Variants in ZNF394 observed in about 807,000 individuals in gnomAD.
ZNF394 encodes zinc finger protein 99.
Under a neutral mutation model 21.8 loss-of-function variants are expected in ZNF394, and 19 were observed. The observed-to-expected ratio is 0.87, with a 90% CI of 0.61 to 1.28. The LOEUF is 1.28. ZNF394 is among the 50% of genes most tolerant of loss of function. ZNF394 has a pLI of 0.00. For missense variants in ZNF394, 683 were observed against 708.6 expected, an observed-to-expected ratio of 0.96 and a Z score of 0.41; for synonymous variants, 294 against 273.3, an observed-to-expected ratio of 1.08 and a Z score of -0.75.
intron 1 of ZNF394, 83 bp from the exon 2 acceptor site, chr7:99,498,925 G>A (rs921355401): frequency 3.4e-6 from 5 of 1,484,972 alleles, no homozygotes; most frequent in Admixed American, 4.5e-5. Flanking sequence ...ACCGACAAGG[G>A]AGTTTGGAGA....
chr7:99,492,018 A>G (rs571436598), downstream of ZNF394, among the ~76,000 whole-genome samples: 3 of 148,676 alleles, frequency 2.0e-5, no homozygotes, highest in South Asian at 2.2e-4. Context: ...GTTTGTAGTG[A>G]GCCGAGATTG....
chr7:99,493,719 C>T lies in ZNF394; in HGVS notation c.1496G>A (p.Cys499Tyr). The part of the protein sequence containing the change: ...RIHTGEKPYG[C>Y]SVCGKRFNQS... ...ATTGAAGCGTTTCCCACAGACGGAA[C>T]ATCCATAGGGCTTCTCCCCAGTGTG... is the stretch of plus-strand genomic sequence containing the variant. The change falls in exon 3 of 3, where the codon TGT (cysteine) becomes TAT (tyrosine). Residue 499 changes from cysteine (C) to tyrosine (Y), a missense_variant. This residue lies in a region of ZNF394 where 274 missense variants were observed against 314.1 expected (regional missense o/e 0.87). Coordinates refer to ENST00000337673, the MANE Select transcript of ZNF394 (RefSeq NM_032164.4). 1 of 1,614,196 alleles carries T rather than the reference C, an allele frequency of 6.2e-7. No individual in the cohort carries two copies. Among genetic ancestry groups the T allele is most frequent in the Non-Finnish European group, 8.5e-7 (1 of 1,180,020 alleles).
intron 2 of ZNF394, among the ~76,000 whole-genome samples, chr7:99,497,142 GT>G (rs1800356777): frequency 9.4e-6 from 1 of 106,692 alleles, no homozygotes; most frequent in African/African-American, 5.2e-5. Flanking sequence ...ATATATATAT[GT>G]ATATATATAT....
rs368878098 is a variant in ZNF394, at chr7:99,494,618, T to C, written c.597A>G (p.Arg199=). The part of the protein sequence containing the change: ...GSTVPPSLES[R]VENKELIPMQ... ...TTGGAATCAACTCTTTGTTCTCCAC[T>C]CTGCTTTCCAAACCTGAAACGTGAA... The change falls in exon 3 of 3, where the codon AGA becomes AGG. Residue 199 remains arginine (R), a synonymous_variant. Transcript: ENST00000337673. 8 of 1,587,542 alleles carry C rather than the reference T, an allele frequency of 5.0e-6. No homozygotes were observed. The highest frequency in any genetic ancestry group is 2.7e-5 in the African/African-American group (2 of 73,482).
chr7:99,490,831 A>C (rs1435081330), downstream of ZNF394, among the ~76,000 whole-genome samples: 1 of 151,934 alleles, frequency 6.6e-6, no homozygotes, highest in Non-Finnish European at 1.5e-5. Context: ...AGTCACATCC[A>C]AAGCGCAGCC....
chr7:99,493,424 T>C lies in ZNF394; in HGVS notation c.*105A>G. The C allele has an allele frequency of 8.8e-7, 1 of 1,130,526 alleles. No individual in the cohort carries two copies. The highest frequency in any genetic ancestry group is 1.2e-6 in the Non-Finnish European group (1 of 809,492). The allele number at this position is 1,130,526 out of a possible 1,614,324, so 70.0% of individuals were successfully genotyped here. Reference sequence around the variant, plus strand: ...GGCATGCACCACCATGCCCGGCTCATTTTTGTATTTTTAGTAGAGACAGGA... The same window carrying C: ...GGCATGCACCACCATGCCCGGCTCACTTTTGTATTTTTAGTAGAGACAGGA... On this transcript the variant is annotated 3_prime_UTR_variant, in exon 3 of 3. Coordinates refer to ENST00000337673, the MANE Select transcript of ZNF394 (RefSeq NM_032164.4).
chr7:99,497,087 CGTGTGTGTGT>C lies in ZNF394; in HGVS notation c.583+1619_583+1628del, dbSNP rs201206255. Among the ~76,000 whole-genome samples, 406 of 94,662 alleles carry C rather than the reference CGTGTGTGTGT, an allele frequency of 4.3e-3. 3 individuals carry two copies. The highest frequency in any genetic ancestry group is 9.7e-3 in the Middle Eastern group (2 of 206). The allele number at this position is 94,662 out of a possible 152,430, so 62.1% of individuals were successfully genotyped here. ...GTATATATATGTATATACATACATA[CGTGTGTGTGT>C]GTGTGTGTGTGTGTGTGTGTGTGTG... is the stretch of plus-strand genomic sequence containing the variant. On this transcript the variant is annotated intron_variant, in intron 2 of 2. Transcript: ENST00000337673.
chr7:99,494,251 G>A lies in ZNF394; in HGVS notation c.964C>T (p.His322Tyr), dbSNP rs367809638. The stretch of plus-strand genomic sequence containing the variant: ...TTCAGCACGTGCCACGTCACCATGT[G>A]GAAACTTTGCTTGCACTTGTTCCCG... ...EHGNKCKQSF[H>Y]MVTWHVLKPH... is the part of the protein sequence containing the mutation. Residue 322 changes from histidine (H) to tyrosine (Y), a missense_variant, in exon 3 of 3, where the codon CAC (histidine) becomes TAC (tyrosine). Around this residue, in one of 3 missense-constraint regions of ZNF394, gnomAD observed 274 missense variants for 314.1 expected, o/e 0.87. Transcript: ENST00000337673. The A allele has an allele frequency of 1.2e-5, 20 of 1,614,134 alleles. No individual in the cohort carries two copies. Among genetic ancestry groups the A allele is most frequent in the Non-Finnish European group, 1.7e-5 (20 of 1,180,060 alleles).
rs113259349 is a variant in ZNF394, at chr7:99,498,354, G to C, written c.583+362C>G. 9.8e-3 allele frequency: 1,864 copies of C among 189,370 alleles called. 35 individuals are homozygous for C. The highest frequency in any genetic ancestry group is 0.042 in the African/African-American group (1,783 of 42,206). The allele number at this position is 189,370 out of a possible 1,614,324, so 11.7% of individuals were successfully genotyped here. ...ACAGTCAGCTTACTGGCTACCTCTG[G>C]AGAAGGATAGAGGGGAAGGGTTTCA... On this transcript the variant is annotated intron_variant, in intron 2 of 2. Coordinates refer to ENST00000337673, the MANE Select transcript of ZNF394 (RefSeq NM_032164.4).
chr7:99,488,071 C>CAAAAA (rs1180851983), intron 1 of ZNF394, among the ~76,000 whole-genome samples: 15 of 68,204 alleles, frequency 2.2e-4, no homozygotes, highest in African/African-American at 6.0e-4. Flanking sequence ...GACTCCGTCT[C>CAAAAA]AAAAAAAAAA....
Position 99,493,971 on chromosome 7 carries a change from G to C in ZNF394, c.1244C>G (p.Thr415Ser). The stretch of plus-strand genomic sequence containing the variant: ...GAAGCGCTCCCCACATTTCAGACAG[G>C]TGTACGGCTTCTCGCCTGTGTGTGT... ...QRTHTGEKPYTCLKCGERFRQ... is the reference protein window; with the variant it reads ...QRTHTGEKPYSCLKCGERFRQ... Residue 415 changes from threonine (T) to serine (S), a missense_variant, in exon 3 of 3, where the codon ACC becomes AGC. By Grantham distance (58) the Thr-to-Ser change is moderately conservative. Coordinates refer to ENST00000337673, the MANE Select transcript of ZNF394 (RefSeq NM_032164.4). The C allele has an allele frequency of 6.2e-7, 1 of 1,614,190 alleles. No homozygotes were observed. Among genetic ancestry groups the C allele is most frequent in the Non-Finnish European group, 8.5e-7 (1 of 1,180,044 alleles).
intron 1 of ZNF394, among the ~76,000 whole-genome samples, chr7:99,488,169 G>C (rs1273192916): frequency 6.6e-6 from 1 of 151,806 alleles, no homozygotes; most frequent in East Asian, 1.9e-4. Flanking sequence ...GCCTAGTTAA[G>C]GCAGAAGGGA....
chr7:99,486,579 G>C lies in ZNF394; in HGVS notation n.468C>G, dbSNP rs374780053. The C allele has an allele frequency of 6.8e-6, 11 of 1,614,204 alleles. No individual in the cohort carries two copies. Among genetic ancestry groups the C allele is most frequent in the South Asian group, 2.2e-5 (2 of 91,088 alleles). On this transcript the variant is annotated non_coding_transcript_exon_variant, in exon 2 of 2. Transcript: ENST00000462024. ...CAGTGGTAATGCAGGAATCAGCTGA[G>C]AAACTTTCAGAAAAGTTACATAAGT... is the stretch of plus-strand genomic sequence containing the variant.
rs1483162320 is a variant in ZNF394, at chr7:99,499,809, G to A, written c.285C>T (p.Pro95=). 4 of 1,614,056 alleles carry A rather than the reference G, an allele frequency of 2.5e-6. No individual in the cohort carries two copies. The highest frequency in any genetic ancestry group is 2.7e-5 in the African/African-American group (2 of 74,932). Residue 95 remains proline, a synonymous_variant, in exon 1 of 3, where the codon CCC becomes CCT. Coordinates refer to ENST00000337673, the MANE Select transcript of ZNF394 (RefSeq NM_032164.4). Reference sequence around the variant, plus strand: ...GGATCTGCTCCTTGGAGAGCAGCTCGGGTCTCAGCCACCGACGACAGAGTT... The same window carrying A: ...GGATCTGCTCCTTGGAGAGCAGCTCAGGTCTCAGCCACCGACGACAGAGTT... ...LRELCRRWLR[P]ELLSKEQILE... is the part of the protein sequence containing the mutation.
chr7:99,499,849 AGC>A lies in ZNF394; in HGVS notation c.243_244del (p.Leu82GlufsTer152). On this transcript the variant is annotated frameshift_variant, in exon 1 of 3. Transcript: ENST00000337673. LOFTEE classifies it high-confidence loss of function. ...ACGACAGAGTTCTCGGAGCCGGCTC[AGC>A]GCCTCTTCCGGTCCAGCCACCTCCT... The A allele has an allele frequency of 6.2e-7, 1 of 1,614,196 alleles. No individual in the cohort carries two copies. The highest frequency in any genetic ancestry group is 8.5e-7 in the Non-Finnish European group (1 of 1,180,042).
At chr7:99,490,698 G>A (rs1306757020), downstream of ZNF394, among the ~76,000 whole-genome samples, 1 of 151,078 alleles carries the variant, frequency 6.6e-6, no homozygotes, top group African/African-American at 2.4e-5. Context: ...CAGACATTCA[G>A]GCACTTGTCA....
In ZNF394 at chr7:99,499,993, TCGCGTTGGGACGGCGC is replaced by T; in HGVS notation, c.85_100del (p.Ala29ThrfsTer6). The stretch of plus-strand genomic sequence containing the variant: ...CTCCACTTTCACGGGCAAAAGTCCG[TCGCGTTGGGACGGCGC>T]CGCGTCCTTGGACCTCGCAGCCATC... On this transcript the variant is annotated frameshift_variant, in exon 1 of 3. Coordinates refer to ENST00000337673, the MANE Select transcript of ZNF394 (RefSeq NM_032164.4). LOFTEE classifies it high-confidence loss of function. 3 of 1,612,176 alleles carry T rather than the reference TCGCGTTGGGACGGCGC, an allele frequency of 1.9e-6. No individual in the cohort carries two copies. The highest frequency in any genetic ancestry group is 2.5e-6 in the Non-Finnish European group (3 of 1,179,872).
chr7:99,486,999 A>T (rs1429765709), intron 1 of ZNF394: 2 of 1,614,172 alleles, frequency 1.2e-6, no homozygotes, highest in Admixed American at 3.3e-5. Flanking sequence ...ATGACTGTGG[A>T]AAGTGTTTTC....
chr7:99,493,218 G>A, downstream of ZNF394: 1 of 1,072,704 alleles, frequency 9.3e-7, no homozygotes, highest in South Asian at 3.2e-5. Context: ...GACAAGAAAA[G>A]AAACAGGCCA....
Sources: gnomAD v4.1 joint callset for allele counts (sites outside exome capture counted in the v4.1 genomes callset) on GRCh38, gnomAD v4.1.1 for gene constraint, gnomAD v4.1.1 regional missense constraint, MANE v1.5 for transcripts, NCBI Gene and HGNC (gene_info 2026-07-23, HGNC 2026-07-21) for gene names.